The following NCAM2 variants were observed in gnomAD, a reference collection of about 807,000 sequenced individuals.
NCAM2 encodes N-CAM-2.
In NCAM2, 30 loss-of-function variants were observed where a neutral mutation model predicts 98.1. The ratio of observed to expected loss-of-function variants is 0.31; its 90% CI spans 0.23 to 0.41. The LOEUF (loss-of-function observed/expected upper bound fraction) is 0.41. Among genes scored for constraint, NCAM2 ranks in the 10% least tolerant of loss-of-function variants. NCAM2 has a pLI of 1.00. For synonymous variants in NCAM2, 368 were observed against 342.4 expected (o/e 1.07, Z -0.83); for missense variants, 867 against 1,005.8 (o/e 0.86, Z 1.87).
At chr21:21,276,048 T>G (rs2072716878) in intron 1 of NCAM2, among the ~76,000 whole-genome samples, 1 of 152,166 alleles carries the variant, frequency 6.6e-6, no homozygotes. Context: ...TTACCCAATG[T>G]GGAATGCCCT....
At chr21:21,120,384 A>G (rs1004178439) in intron 1 of NCAM2, among the ~76,000 whole-genome samples, 4 of 152,088 alleles carry the variant, frequency 2.6e-5, no homozygotes, top group African/African-American at 4.8e-5. Context: ...ATGAAGAAGG[A>G]AATAATGTTA....
chr21:21,479,583 C>CAAAAAAAAAAAAAAAAAA lies in NCAM2; in HGVS notation c.2077+2120_2077+2137dup, dbSNP rs1156588500. On this transcript the variant is annotated intron_variant, in intron 15 of 17. Coordinates refer to ENST00000400546, the MANE Select transcript of NCAM2 (RefSeq NM_004540.5). ...TGGGAGACAGAGCGAGACTGCGTCT[C>CAAAAAAAAAAAAAAAAAA]AAAAAAAAAAAAAAAAAAAAAAAAA... Among the ~76,000 whole-genome samples, 94 of 30,952 alleles carry CAAAAAAAAAAAAAAAAAA rather than the reference C, an allele frequency of 3.0e-3. 10 individuals are homozygous for CAAAAAAAAAAAAAAAAAA. Among genetic ancestry groups the CAAAAAAAAAAAAAAAAAA allele is most frequent in the Non-Finnish European group, 4.8e-3 (72 of 14,876 alleles). 20.3% of individuals were successfully genotyped at this position (30,952 alleles called of 152,430 possible).
chr21:21,013,409 G>T (rs745791426), intron 1 of NCAM2, among the ~76,000 whole-genome samples: 14 of 152,212 alleles, frequency 9.2e-5, no homozygotes, highest in Non-Finnish European at 1.8e-4. Context: ...TAATACTCCA[G>T]TTCTGTGGAG....
chr21:21,510,829 A>G (rs531618035), intron 16 of NCAM2, among the ~76,000 whole-genome samples: 7 of 152,134 alleles, frequency 4.6e-5, no homozygotes, highest in East Asian at 3.9e-4. Flanking sequence ...TTATCAGTGT[A>G]CAGTTTAATA....
At chr21:21,097,685 G>T (rs1487454869) in intron 1 of NCAM2, among the ~76,000 whole-genome samples, 2 of 151,532 alleles carry the variant, frequency 1.3e-5, no homozygotes, top group African/African-American at 4.8e-5. Context: ...TTTTGTGCAA[G>T]AAAGTGTCTG....
At chr21:21,261,572 G>T (rs559704347) in intron 1 of NCAM2, among the ~76,000 whole-genome samples, 43 of 152,090 alleles carry the variant, frequency 2.8e-4, no homozygotes, top group Non-Finnish European at 5.0e-4. Flanking sequence ...TTACATGGAA[G>T]TTAAACAACC....
intron 1 of NCAM2, among the ~76,000 whole-genome samples, chr21:21,114,691 T>G (rs1020188228): frequency 6.6e-6 from 1 of 152,142 alleles, no homozygotes; most frequent in African/African-American, 2.4e-5. Flanking sequence ...TTTGGGGCCC[T>G]GTGGGGAACA....
chr21:21,212,682 G>A (rs2147088852), intron 1 of NCAM2, among the ~76,000 whole-genome samples: 1 of 151,240 alleles, frequency 6.6e-6, no homozygotes, highest in Non-Finnish European at 1.5e-5. Context: ...TGGACAAAAT[G>A]TACATGAGGT....
At chr21:21,102,680 A>G (rs1025134069) in intron 1 of NCAM2, among the ~76,000 whole-genome samples, 1 of 151,978 alleles carries the variant, frequency 6.6e-6, no homozygotes, top group African/African-American at 2.4e-5. Flanking sequence ...TTTAAAATTA[A>G]TGATGCTCAG....
intron 1 of NCAM2, among the ~76,000 whole-genome samples, chr21:21,009,883 CTGTGTG>C (rs5842868): frequency 0.11 from 14,858 of 139,690 alleles, 872 homozygotes; most frequent in Non-Finnish European, 0.14. Context: ...CCTCTGATAG[CTGTGTG>C]TGTGTGTGTG....
At chr21:21,292,072 A>G in intron 4 of NCAM2, 32 bp from the exon 5 acceptor site, 1 of 1,594,602 alleles carries the variant, frequency 6.3e-7, no homozygotes, top group Non-Finnish European at 8.5e-7. Flanking sequence ...TCAATTACTG[A>G]TACCATTTTC....
chr21:21,398,207 A>G (rs1602219537), intron 9 of NCAM2, among the ~76,000 whole-genome samples: 1 of 152,316 alleles, frequency 6.6e-6, no homozygotes, highest in East Asian at 1.9e-4. Flanking sequence ...GTGGGAACTA[A>G]GCTATGAGGA....
chr21:21,204,956 CT>C, intron 1 of NCAM2, among the ~76,000 whole-genome samples: 1 of 152,144 alleles, frequency 6.6e-6, no homozygotes, highest in Middle Eastern at 3.4e-3. Flanking sequence ...TCGAACTCTC[CT>C]TTTTCTAAGC....
intron 5 of NCAM2, among the ~76,000 whole-genome samples, chr21:21,321,039 A>G (rs181118557): frequency 6.6e-6 from 1 of 152,302 alleles, no homozygotes; most frequent in Admixed American, 6.5e-5. Flanking sequence ...AGAGAATGTT[A>G]GAACTATCAA....
intron 1 of NCAM2, among the ~76,000 whole-genome samples, chr21:21,249,649 GCAGA>G (rs1357445330): frequency 2.6e-5 from 4 of 151,716 alleles, no homozygotes; most frequent in African/African-American, 9.7e-5. Flanking sequence ...ACTTTCTTTA[GCAGA>G]CAATCAGCAC....
chr21:21,466,585 T>C, intron 12 of NCAM2, 21 bp from the exon 13 acceptor site: 1 of 1,517,766 alleles, frequency 6.6e-7, no homozygotes, highest in East Asian at 2.4e-5. Flanking sequence ...TTTATTTTGT[T>C]TTGTTTTGTT....
chr21:21,457,466 C>T (rs2146173021), intron 12 of NCAM2, among the ~76,000 whole-genome samples: 1 of 152,176 alleles, frequency 6.6e-6, no homozygotes, highest in Non-Finnish European at 1.5e-5. Flanking sequence ...ATGGTGAAAC[C>T]TTGTTTCTAC....
intron 1 of NCAM2, among the ~76,000 whole-genome samples, chr21:21,182,028 TAA>T (rs746308686): frequency 1.1e-4 from 14 of 122,400 alleles, no homozygotes; most frequent in Admixed American, 1.7e-4. Context: ...CCACCATCTC[TAA>T]AAAAAAAAAA....
At chr21:21,174,499 A>G (rs922840083) in intron 1 of NCAM2, among the ~76,000 whole-genome samples, 2 of 152,174 alleles carry the variant, frequency 1.3e-5, no homozygotes, top group Admixed American at 1.3e-4. Flanking sequence ...CTTGGGACAG[A>G]CAAGGATCAG....
Sources: allele counts gnomAD v4.1 joint callset (sites outside exome capture counted in the v4.1 genomes callset), GRCh38; gene constraint gnomAD v4.1.1; transcripts MANE v1.5; gene names NCBI Gene and HGNC (gene_info 2026-07-23, HGNC 2026-07-21).